Variants in ATAD2B observed in about 807,000 individuals in gnomAD.
ATAD2B encodes ATPase family AAA domain containing 2B, also known as ATPase family AAA domain-containing protein 2B.
ATAD2B carries 40 observed loss-of-function variants against 167.6 expected under a neutral mutation model. That is an observed-to-expected ratio of 0.24 (90% CI 0.19 to 0.31). ATAD2B has a LOEUF of 0.31. Among genes scored for constraint, ATAD2B ranks in the 10% least tolerant of loss-of-function variants. The pLI, the probability that ATAD2B is intolerant of heterozygous loss-of-function variation, is 1.00. For missense variants in ATAD2B, 1,242 were observed against 1,757.2 expected (o/e 0.71, Z 5.24); for synonymous variants, 579 against 596.5 (o/e 0.97, Z 0.43).
the ATAD2B span, among the ~76,000 whole-genome samples, chr2:23,725,022 G>A: frequency 8.1e-5 from 9 of 110,666 alleles, no homozygotes; most frequent in East Asian, 8.9e-4. Context: ...CAGCCTGGAC[G>A]ACAGAGCAAG....
the ATAD2B span, chr2:23,691,288 A>C: frequency 3.7e-6 from 1 of 268,562 alleles, no homozygotes; most frequent in Non-Finnish European, 7.2e-6. Flanking sequence ...CTGCCACCCA[A>C]GGCAGGCAGG....
intron 12 of ATAD2B, among the ~76,000 whole-genome samples, chr2:23,859,067 C>G (rs1237675923): frequency 6.6e-6 from 1 of 151,964 alleles, no homozygotes; most frequent in Non-Finnish European, 1.5e-5. Flanking sequence ...TATCATTTTA[C>G]CCTCTAACCA....
At chr2:23,841,187 C>T (rs1690846654) in intron 13 of ATAD2B, among the ~76,000 whole-genome samples, 1 of 146,816 alleles carries the variant, frequency 6.8e-6, no homozygotes, top group South Asian at 2.2e-4. Flanking sequence ...GATCCTCCTA[C>T]CCTTAGCCTC....
At chr2:23,784,888 GCT>G (rs977170820) in intron 21 of ATAD2B, among the ~76,000 whole-genome samples, 2 of 152,016 alleles carry the variant, frequency 1.3e-5, no homozygotes, top group African/African-American at 2.4e-5. Flanking sequence ...ATGAATGTGG[GCT>G]TTGAATTTTA....
intron 19 of ATAD2B, 130 bp downstream of exon 19, chr2:23,798,008 T>C: frequency 1.8e-6 from 1 of 563,692 alleles, no homozygotes; most frequent in Non-Finnish European, 3.0e-6. Flanking sequence ...ATACAGCTAA[T>C]AGGCAGTTAC....
At chr2:23,856,426 G>A (rs1465884061) in intron 13 of ATAD2B, 5 of 399,770 alleles carry the variant, frequency 1.3e-5, no homozygotes, top group Non-Finnish European at 2.5e-5. Context: ...GTAGCAGGTT[G>A]AGCATTATCA....
Position 23,751,978 on chromosome 2 carries a change from T to C in ATAD2B, c.*68A>G. 3 of 1,234,360 alleles carry C rather than the reference T, an allele frequency of 2.4e-6. No homozygotes were observed. The highest frequency in any genetic ancestry group is 1.5e-5 in the African/African-American group (1 of 65,888). The allele number at this position is 1,234,360 out of a possible 1,614,324, so 76.5% of individuals were successfully genotyped here. ...TGCACATAATTGGTGCAATTTGAAATTGAATGGCTCAGAAGACTGCTCTGT... is the reference window on the plus strand; with the variant it reads ...TGCACATAATTGGTGCAATTTGAAACTGAATGGCTCAGAAGACTGCTCTGT... On this transcript the variant is annotated 3_prime_UTR_variant, in exon 28 of 28. Transcript: ENST00000238789.
intron 1 of ATAD2B, among the ~76,000 whole-genome samples, chr2:23,925,592 A>T (rs993327808): frequency 6.6e-6 from 1 of 152,234 alleles, no homozygotes; most frequent in South Asian, 2.1e-4. Context: ...CTCTTCTCTG[A>T]ATTCAGAAAC....
In ATAD2B at chr2:23,823,367, T is replaced by G; in HGVS notation, c.2022A>C (p.Ala674=). The change falls in exon 16 of 28, where the codon GCA becomes GCC. Residue 674 remains alanine, a synonymous_variant. Coordinates refer to ENST00000238789, the MANE Select transcript of ATAD2B (RefSeq NM_017552.4). ...GCAGTGGTCTTATGATGGGGGATAG[T>G]GCATGCCCTGAAGACATCACAGCAC... ...SQRAVMSSGH[A]LSPIIRPLLE... 1.2e-6 allele frequency: 2 copies of G among 1,613,938 alleles called. No individual in the cohort carries two copies. Among genetic ancestry groups the G allele is most frequent in the Non-Finnish European group, 8.5e-7 (1 of 1,179,864 alleles).
At position 23,769,396 on chromosome 2, in the gene ATAD2B, C is replaced by T. The variant is rs552816619; in HGVS notation, c.3134-3768G>A. On this transcript the variant is annotated intron_variant, in intron 22 of 27. Transcript: ENST00000238789. ...CAGAGGTTGCAGTGAGCCGAGACAG[C>T]GCCACTGCACTCCAGCCTGGGTGAC... is the stretch of plus-strand genomic sequence containing the variant. Among the ~76,000 whole-genome samples the T allele has an allele frequency of 1.6e-4, 24 of 152,088 alleles. No homozygotes were observed. The East Asian group carries it at 4.5e-3, about 28-fold the overall frequency.
intron 1 of ATAD2B, 31 bp downstream of exon 1, chr2:23,926,524 A>G: frequency 6.5e-7 from 1 of 1,533,710 alleles, no homozygotes; most frequent in South Asian, 1.2e-5. Flanking sequence ...GGCACTTCCG[A>G]GCCTCCGGAC....
At chr2:23,705,155 C>T in the ATAD2B span, among the ~76,000 whole-genome samples, 18 of 152,322 alleles carry the variant, frequency 1.2e-4, no homozygotes, top group African/African-American at 2.9e-4. Flanking sequence ...TGGAGCATTG[C>T]GCTCCACTTG....
rs531708199 is a variant in ATAD2B at position 23,916,170 on chromosome 2, C to G, written c.216+10385G>C. On this transcript the variant is annotated intron_variant, in intron 1 of 27. Transcript: ENST00000238789. ...AAATCCAAAGAGTCAGTATTCCACA[C>G]AGTTGTAAAATAGGGAATAGTTTTA... Among the ~76,000 whole-genome samples the G allele has an allele frequency of 1.2e-4, 18 of 152,292 alleles. No homozygotes were observed. In the East Asian group the frequency reaches 3.3e-3, roughly 28 times the overall value.
intron 15 of ATAD2B, 119 bp from the exon 16 acceptor site, chr2:23,823,688 GT>G (rs1687812303): frequency 3.4e-6 from 3 of 886,978 alleles, no homozygotes; most frequent in African/African-American, 1.7e-5. Context: ...CAATAACTAT[GT>G]GCAATTTTAC....
At chr2:23,808,420 T>C (rs1352207558) in intron 18 of ATAD2B, among the ~76,000 whole-genome samples, 2 of 151,622 alleles carry the variant, frequency 1.3e-5, no homozygotes, top group Non-Finnish European at 2.9e-5. Context: ...CTTTCATATA[T>C]TCAACTGTCC....
chr2:23,690,401 T>C, the ATAD2B span: 7,036 of 152,290 alleles, frequency 0.046, 202 homozygotes, highest in South Asian at 0.092. Flanking sequence ...CCCCCTGCTC[T>C]TTCCGCCCAC....
chr2:23,765,610 C>T lies in ATAD2B; in HGVS notation c.3152G>A (p.Arg1051Lys). The T allele has an allele frequency of 6.9e-7, 1 of 1,455,820 alleles. No homozygotes were observed. Among genetic ancestry groups the T allele is most frequent in the Non-Finnish European group, 9.1e-7 (1 of 1,094,608 alleles). 90.2% of individuals were successfully genotyped at this position (1,455,820 alleles called of 1,614,324 possible). ...TGCAGTGTCCTTCAGGGTACAAGCC[C>T]TGTGCCTAATTATTTTATCTGTTAA... ...KDPGDKIIRH[R>K]ACTLKDTAHA... The change falls in exon 23 of 28, where the codon AGG (arginine) becomes AAG (lysine). Residue 1051 changes from arginine (R) to lysine (K), a missense_variant. By Grantham distance (26) the Arg-to-Lys change is conservative. Transcript: ENST00000238789.
At chr2:23,881,236 G>T (rs1171585628) in intron 6 of ATAD2B, among the ~76,000 whole-genome samples, 1 of 152,052 alleles carries the variant, frequency 6.6e-6, no homozygotes, top group East Asian at 1.9e-4. Flanking sequence ...TAGGCCTGTT[G>T]ACCACAGTTA....
At chr2:23,691,391 C>T in the ATAD2B span, 3 of 478,110 alleles carry the variant, frequency 6.3e-6, no homozygotes, top group Non-Finnish European at 3.8e-6. Context: ...CAGTCCTGGT[C>T]CTCGTCCCCA....
Sources: allele counts gnomAD v4.1 joint callset (sites outside exome capture counted in the v4.1 genomes callset), GRCh38; gene constraint gnomAD v4.1.1; transcripts MANE v1.5; gene names NCBI Gene and HGNC (gene_info 2026-07-23, HGNC 2026-07-21).